The following NR1H4 variants were observed in gnomAD, a reference collection of about 807,000 sequenced individuals.
NR1H4 encodes the protein bile acid receptor.
NR1H4 carries 23 observed loss-of-function variants against 58.5 expected under a neutral mutation model. The observed-to-expected ratio is 0.39, with a 90% CI of 0.28 to 0.56. NR1H4 has a LOEUF of 0.56. Ranked by LOEUF, NR1H4 falls within the 20% of genes least tolerant of loss-of-function variation. NR1H4 has a pLI of 0.58. For missense variants in NR1H4, 487 were observed against 576.9 expected, an observed-to-expected ratio of 0.84 and a Z score of 1.60; for synonymous variants, 214 against 198.0, an observed-to-expected ratio of 1.08 and a Z score of -0.68.
chr12:100,540,642 G>A, intron 8 of NR1H4, 30 bp from the exon 9 acceptor site: 1 of 1,609,622 alleles, frequency 6.2e-7, no homozygotes, highest in Admixed American at 1.7e-5. Flanking sequence ...GTTACTCCTT[G>A]ATACCAATTT....
Position 100,510,956 on chromosome 12 carries a change from T to A in NR1H4, c.258T>A (p.Tyr86Ter), listed in dbSNP as rs764897584. The A allele has an allele frequency of 6.2e-7, 1 of 1,614,246 alleles. No individual in the cohort carries two copies. Among genetic ancestry groups the A allele is most frequent in the Admixed American group, 1.7e-5 (1 of 60,032 alleles). Residue 86 changes from tyrosine (Y) to a stop codon, truncating the protein, a stop_gained, in exon 4 of 11, where the codon TAT becomes TAA. Coordinates refer to ENST00000392986, the MANE Select transcript of NR1H4 (RefSeq NM_001206979.2). LOFTEE classifies it high-confidence loss of function. ...QPEEWYSPGI[Y>*]ELRRMPAETL... ...AAGAGTGGTACTCTCCTGGAATATA[T>A]GAACTCAGGCGTATGCCAGCTGAGA...
intron 4 of NR1H4, among the ~76,000 whole-genome samples, chr12:100,515,165 CTTTTTTTTTTTTTTT>C (rs59404984): frequency 1.1e-5 from 1 of 94,860 alleles, no homozygotes. Flanking sequence ...TTTGTCAAAG[CTTTTTTTTTTTTTTT>C]TTTTTTTTGA....
intron 4 of NR1H4, among the ~76,000 whole-genome samples, chr12:100,511,348 CTG>C (rs1188610358): frequency 1.3e-5 from 2 of 152,186 alleles, no homozygotes; most frequent in African/African-American, 4.8e-5. Context: ...ATGTTTAAGA[CTG>C]TTAGAGTATC....
chr12:100,477,182 T>C (rs1459610103), intron 1 of NR1H4, among the ~76,000 whole-genome samples: 2 of 152,146 alleles, frequency 1.3e-5, no homozygotes, highest in Non-Finnish European at 2.9e-5. Flanking sequence ...AAAGAACATC[T>C]ACTATTCCTA....
At chr12:100,501,433 A>C (rs1953832325) in intron 3 of NR1H4, among the ~76,000 whole-genome samples, 1 of 152,224 alleles carries the variant, frequency 6.6e-6, no homozygotes, top group East Asian at 1.9e-4. Context: ...CTTTCTTGGC[A>C]ATTAGGGCAA....
intron 9 of NR1H4, among the ~76,000 whole-genome samples, chr12:100,558,855 G>T (rs1565786327): frequency 6.6e-6 from 1 of 152,220 alleles, no homozygotes; most frequent in African/African-American, 2.4e-5. Flanking sequence ...GGACTTTGGA[G>T]CCTGCCAGCT....
intron 1 of NR1H4, among the ~76,000 whole-genome samples, chr12:100,485,981 A>G (rs547835398): frequency 1.3e-5 from 2 of 152,250 alleles, no homozygotes; most frequent in South Asian, 4.1e-4. Flanking sequence ...TTACCATTGG[A>G]AACAATGTGG....
intron 1 of NR1H4, among the ~76,000 whole-genome samples, chr12:100,476,245 G>A (rs571080735): frequency 6.6e-6 from 1 of 152,230 alleles, no homozygotes; most frequent in South Asian, 2.1e-4. Context: ...GAGCGGCGAG[G>A]GGGGACCAGC....
chr12:100,553,145 C>T (rs545328232), intron 9 of NR1H4, among the ~76,000 whole-genome samples: 2 of 152,086 alleles, frequency 1.3e-5, no homozygotes, highest in Non-Finnish European at 2.9e-5. Flanking sequence ...ACTACAGGCG[C>T]GTGCCACCAC....
intron 9 of NR1H4, among the ~76,000 whole-genome samples, chr12:100,555,553 T>A (rs1955303886): frequency 6.6e-6 from 1 of 152,206 alleles, no homozygotes; most frequent in Non-Finnish European, 1.5e-5. Context: ...GACTAATGTG[T>A]TGATTCAGTT....
chr12:100,486,997 A>G (rs1457247458), intron 1 of NR1H4, among the ~76,000 whole-genome samples: 2 of 152,230 alleles, frequency 1.3e-5, no homozygotes, highest in Non-Finnish European at 2.9e-5. Flanking sequence ...AAGTCAATAA[A>G]AAAAGGAACA....
chr12:100,524,688 G>GA (rs2136207687), intron 4 of NR1H4, among the ~76,000 whole-genome samples: 1 of 152,224 alleles, frequency 6.6e-6, no homozygotes, highest in Admixed American at 6.5e-5. Flanking sequence ...CATATCATTA[G>GA]AAAAAAGCCC....
At chr12:100,510,425 A>G (rs1292777262) in intron 3 of NR1H4, among the ~76,000 whole-genome samples, 2 of 151,786 alleles carry the variant, frequency 1.3e-5, no homozygotes, top group African/African-American at 4.8e-5. Context: ...AGGTGAGCAC[A>G]TTTTTCTGTT....
chr12:100,540,930 T>A, intron 9 of NR1H4, 112 bp downstream of exon 9: 1 of 1,009,430 alleles, frequency 9.9e-7, no homozygotes, highest in Non-Finnish European at 1.5e-6. Flanking sequence ...CTGTTGTGCC[T>A]AGCATGAAGA....
intron 1 of NR1H4, among the ~76,000 whole-genome samples, chr12:100,478,010 G>A (rs532044016): frequency 2.5e-4 from 38 of 152,186 alleles, no homozygotes; most frequent in Admixed American, 1.9e-3. Context: ...CCAATGGTGG[G>A]TACATGTTAT....
intron 1 of NR1H4, among the ~76,000 whole-genome samples, chr12:100,479,124 T>C (rs1036797564): frequency 3.3e-5 from 5 of 152,180 alleles, no homozygotes; most frequent in African/African-American, 1.2e-4. Flanking sequence ...ATATTGTTTG[T>C]ACTAATATTT....
intron 1 of NR1H4, among the ~76,000 whole-genome samples, chr12:100,489,151 C>G (rs938513414): frequency 6.6e-6 from 1 of 152,100 alleles, no homozygotes; most frequent in Admixed American, 6.5e-5. Flanking sequence ...AGTTGCTAAT[C>G]CCAGTAAGAA....
Position 100,530,586 on chromosome 12 carries a change from A to G in NR1H4, c.446-1872A>G, listed in dbSNP as rs141888476. Among the ~76,000 whole-genome samples the G allele has an allele frequency of 1.2e-4, 19 of 152,344 alleles. No homozygotes were observed. In the East Asian group the frequency reaches 3.5e-3, roughly 28 times the overall value. On this transcript the variant is annotated intron_variant, in intron 4 of 10. Transcript: ENST00000392986. Reference sequence around the variant, plus strand: ...CAAGAACCAGTTAAACATCTCACTTATTTTGAGGGAATGAAGAGATCAGGA... The same window carrying G: ...CAAGAACCAGTTAAACATCTCACTTGTTTTGAGGGAATGAAGAGATCAGGA...
In NR1H4 at chr12:100,563,550, C is replaced by G; in HGVS notation, c.*61C>G. 1 of 1,300,786 alleles carries G rather than the reference C, an allele frequency of 7.7e-7. No individual in the cohort carries two copies. The highest frequency in any genetic ancestry group is 1.1e-6 in the Non-Finnish European group (1 of 895,092). The allele number at this position is 1,300,786 out of a possible 1,614,324, so 80.6% of individuals were successfully genotyped here. On this transcript the variant is annotated 3_prime_UTR_variant, in exon 11 of 11. Transcript: ENST00000392986. Reference sequence around the variant, plus strand: ...TCTCTCATATTAATCTGATGTATAACTTTCCTTTATTTCACTTGTACCCAG... The same window carrying G: ...TCTCTCATATTAATCTGATGTATAAGTTTCCTTTATTTCACTTGTACCCAG...
Sources: gnomAD v4.1 joint callset for allele counts (sites outside exome capture counted in the v4.1 genomes callset) on GRCh38, gnomAD v4.1.1 for gene constraint, MANE v1.5 for transcripts, NCBI Gene and HGNC (gene_info 2026-07-23, HGNC 2026-07-21) for gene names.